SNTG1: variants seen among roughly 807,000 people sequenced by gnomAD.
The protein encoded by SNTG1 is syntrophin gamma 1, also known as gamma-1-syntrophin.
In SNTG1, 39 loss-of-function variants were observed where a neutral mutation model predicts 74.7. The ratio of observed to expected loss-of-function variants is 0.52; its 90% confidence interval spans 0.40 to 0.68. The LOEUF (loss-of-function observed/expected upper bound fraction) is 0.68. SNTG1 is among the 30% of genes least tolerant of loss of function. SNTG1 has a pLI of 0.00. For synonymous variants in SNTG1, 254 were observed against 217.1 expected, an observed-to-expected ratio of 1.17 and a Z score of -1.49; for missense variants, 685 against 609.5, an observed-to-expected ratio of 1.12 and a Z score of -1.30.
At chr8:50,257,296 T>G (rs1422014372) in intron 2 of SNTG1, among the ~76,000 whole-genome samples, 1 of 152,168 alleles carries the variant, frequency 6.6e-6, no homozygotes, top group African/African-American at 2.4e-5. Flanking sequence ...GTAGTTTTCT[T>G]GCCAGGAGGA....
At chr8:49,968,033 C>T (rs1214578629) in intron 1 of SNTG1, among the ~76,000 whole-genome samples, 2 of 152,150 alleles carry the variant, frequency 1.3e-5, no homozygotes, top group Non-Finnish European at 2.9e-5. Flanking sequence ...TATTCATCTT[C>T]CAAGTCCAGT....
intron 1 of SNTG1, among the ~76,000 whole-genome samples, chr8:49,957,778 A>G (rs953122734): frequency 6.6e-6 from 1 of 152,072 alleles, no homozygotes; most frequent in East Asian, 1.9e-4. Context: ...AGACTGCACA[A>G]CATGGGGAGA....
intron 4 of SNTG1, among the ~76,000 whole-genome samples, chr8:50,415,059 C>A (rs1159689361): frequency 1.3e-5 from 2 of 152,090 alleles, no homozygotes; most frequent in Non-Finnish European, 2.9e-5. Context: ...AAATTATTAT[C>A]CTGGATGAGT....
intron 1 of SNTG1, among the ~76,000 whole-genome samples, chr8:50,108,196 G>A (rs1251094984): frequency 6.6e-6 from 1 of 152,142 alleles, no homozygotes; most frequent in Non-Finnish European, 1.5e-5. Context: ...TGTTCAAGAG[G>A]CATTGAAGAA....
chr8:50,737,236 G>T (rs2095531206), intron 17 of SNTG1, among the ~76,000 whole-genome samples: 1 of 152,164 alleles, frequency 6.6e-6, no homozygotes, highest in African/African-American at 2.4e-5. Context: ...TATTACCACT[G>T]ATCCCACAGA....
At chr8:50,095,699 T>A (rs2079900634) in intron 1 of SNTG1, among the ~76,000 whole-genome samples, 1 of 152,162 alleles carries the variant, frequency 6.6e-6, no homozygotes, top group Non-Finnish European at 1.5e-5. Context: ...TACTAGAATA[T>A]GTTTGTTTGC....
At chr8:50,509,813 T>G (rs1303859704) in intron 9 of SNTG1, among the ~76,000 whole-genome samples, 2 of 152,130 alleles carry the variant, frequency 1.3e-5, no homozygotes, top group Admixed American at 6.6e-5. Context: ...AAGGAGATTT[T>G]GGGCTGAGAT....
chr8:50,239,886 T>C (rs748173717), intron 2 of SNTG1, among the ~76,000 whole-genome samples: 40 of 152,322 alleles, frequency 2.6e-4, no homozygotes, highest in Non-Finnish European at 2.4e-4. Context: ...TCGGTCTCAA[T>C]TTGATAGTAT....
intron 2 of SNTG1, among the ~76,000 whole-genome samples, chr8:50,233,728 A>C (rs1268687845): frequency 3.8e-5 from 1 of 26,630 alleles, no homozygotes; most frequent in Middle Eastern, 0.021. Flanking sequence ...CACTAATTAG[A>C]AAATGGAAAA....
intron 2 of SNTG1, among the ~76,000 whole-genome samples, chr8:50,297,608 G>A (rs920450262): frequency 2.0e-5 from 3 of 152,150 alleles, no homozygotes; most frequent in African/African-American, 7.2e-5. Context: ...TGCCTCAGAG[G>A]TGGGGAGGCT....
intron 13 of SNTG1, among the ~76,000 whole-genome samples, chr8:50,613,928 A>G (rs1253829989): frequency 6.6e-6 from 1 of 152,182 alleles, no homozygotes; most frequent in Non-Finnish European, 1.5e-5. Flanking sequence ...CATTCACAAA[A>G]TAATTCCATC....
intron 1 of SNTG1, among the ~76,000 whole-genome samples, chr8:50,114,624 T>A (rs552090875): frequency 6.6e-6 from 1 of 152,270 alleles, no homozygotes; most frequent in East Asian, 1.9e-4. Context: ...CCTAGCACTT[T>A]GGGAGGCCCA....
At chr8:50,290,810 G>T (rs2089055963) in intron 2 of SNTG1, among the ~76,000 whole-genome samples, 1 of 152,028 alleles carries the variant, frequency 6.6e-6, no homozygotes, top group African/African-American at 2.4e-5. Context: ...CCAGGCTGGA[G>T]TGCAATGGCG....
chr8:50,206,517 G>A (rs1563738635), intron 2 of SNTG1, among the ~76,000 whole-genome samples: 1 of 152,150 alleles, frequency 6.6e-6, no homozygotes, highest in South Asian at 2.1e-4. Context: ...TGCAAACAGG[G>A]ACAGTTTGAC....
intron 1 of SNTG1, among the ~76,000 whole-genome samples, chr8:49,985,124 A>G (rs924007260): frequency 5.9e-5 from 9 of 152,156 alleles, no homozygotes; most frequent in Non-Finnish European, 1.2e-4. Context: ...AAATATACTG[A>G]ACATGTTTTA....
intron 2 of SNTG1, among the ~76,000 whole-genome samples, chr8:50,224,209 A>C (rs2085213424): frequency 6.6e-6 from 1 of 152,220 alleles, no homozygotes; most frequent in South Asian, 2.1e-4. Context: ...ATTAGTGGAA[A>C]TATTACTATG....
At position 50,124,965 on chromosome 8, in the gene SNTG1, T is replaced by C. The variant is rs377634912; in HGVS notation, c.-102-47596T>C. Among the ~76,000 whole-genome samples, 5 of 142,076 alleles carry C rather than the reference T, an allele frequency of 3.5e-5. 1 individual carries two copies. Among genetic ancestry groups the C allele is most frequent in the African/African-American group, 5.1e-5 (2 of 39,386 alleles). 93.2% of individuals were successfully genotyped at this position (142,076 alleles called of 152,430 possible). ...CTGAACATATGTTATCTTATTTTCA[T>C]GGCATACCCTCTCATAAATGTTACT... On this transcript the variant is annotated intron_variant, in intron 1 of 18. Transcript: ENST00000642720.
At chr8:50,521,917 C>T (rs2094182830) in intron 9 of SNTG1, among the ~76,000 whole-genome samples, 1 of 152,048 alleles carries the variant, frequency 6.6e-6, no homozygotes, top group Non-Finnish European at 1.5e-5. Context: ...GTCTTGAACT[C>T]CTCAAAGTCA....
intron 16 of SNTG1, among the ~76,000 whole-genome samples, chr8:50,705,971 T>C (rs1220864648): frequency 2.6e-5 from 4 of 152,236 alleles, no homozygotes; most frequent in African/African-American, 4.8e-5. Flanking sequence ...TGGTGAATAA[T>C]CTAGCATTGA....
Sources: gnomAD v4.1 joint callset for allele counts (sites outside exome capture counted in the v4.1 genomes callset) on GRCh38, gnomAD v4.1.1 for gene constraint, MANE v1.5 for transcripts, NCBI Gene and HGNC (gene_info 2026-07-23, HGNC 2026-07-21) for gene names.